Variants in SIK3 observed in about 807,000 individuals in gnomAD.
SIK3 encodes serine/threonine-protein kinase SIK3.
Under a neutral mutation model 144.2 loss-of-function variants are expected in SIK3, and 28 were observed. The ratio of observed to expected loss-of-function variants is 0.19; its 90% CI spans 0.14 to 0.27. The LOEUF (loss-of-function observed/expected upper bound fraction) is 0.27, where lower values mean the gene tolerates loss of function less well. Ranked by LOEUF, SIK3 falls within the 10% of genes least tolerant of loss-of-function variation. The pLI is 1.00. For missense variants in SIK3, 1,319 were observed against 1,776.0 expected (o/e 0.74, Z 4.62); for synonymous variants, 686 against 676.3 (o/e 1.01, Z -0.22).
At chr11:117,008,163 A>AT (rs1951123999) in intron 1 of SIK3, among the ~76,000 whole-genome samples, 2 of 151,902 alleles carry the variant, frequency 1.3e-5, no homozygotes, top group Admixed American at 1.3e-4. Flanking sequence ...AAAATTAACC[A>AT]TAAAATTTGG....
chr11:117,072,241 A>G (rs958061988), intron 1 of SIK3, among the ~76,000 whole-genome samples: 32 of 152,114 alleles, frequency 2.1e-4, no homozygotes, highest in African/African-American at 7.5e-4. Flanking sequence ...TACAAAAATT[A>G]GCCAGGCCTG....
chr11:116,903,755 A>T (rs1219177766), intron 4 of SIK3, among the ~76,000 whole-genome samples: 1 of 151,998 alleles, frequency 6.6e-6, no homozygotes, highest in Non-Finnish European at 1.5e-5. Context: ...CTATTTAAAA[A>T]AAATTTTTTT....
intron 1 of SIK3, among the ~76,000 whole-genome samples, chr11:116,974,520 G>C (rs1383341131): frequency 6.6e-6 from 1 of 152,000 alleles, no homozygotes. Context: ...CCTCCCCAGC[G>C]ACTGGGCCTA....
At chr11:117,065,034 A>G (rs1223547358) in intron 1 of SIK3, among the ~76,000 whole-genome samples, 1 of 152,078 alleles carries the variant, frequency 6.6e-6, no homozygotes, top group East Asian at 1.9e-4. Flanking sequence ...CTGTAGTCCC[A>G]GCTACTCGGG....
At chr11:117,041,807 A>G (rs1952752964) in intron 1 of SIK3, among the ~76,000 whole-genome samples, 2 of 152,324 alleles carry the variant, frequency 1.3e-5, no homozygotes, top group Non-Finnish European at 2.9e-5. Context: ...TACAATTTGA[A>G]TTACTTCTGA....
intron 6 of SIK3, among the ~76,000 whole-genome samples, chr11:116,887,143 G>A (rs967221237): frequency 6.6e-6 from 1 of 150,866 alleles, no homozygotes; most frequent in Non-Finnish European, 1.5e-5. Flanking sequence ...GATGGCTCAC[G>A]CCTATGATCC....
chr11:116,928,564 T>C (rs952606898), intron 3 of SIK3, among the ~76,000 whole-genome samples: 14 of 152,180 alleles, frequency 9.2e-5, no homozygotes, highest in African/African-American at 3.4e-4. Context: ...GGTGTATCTT[T>C]CCTTCACCAC....
chr11:116,871,845 A>G (rs1943987802), intron 13 of SIK3, among the ~76,000 whole-genome samples: 2 of 152,204 alleles, frequency 1.3e-5, no homozygotes, highest in South Asian at 4.1e-4. Flanking sequence ...CAGGTTTTAC[A>G]GAGTCATGGT....
intron 4 of SIK3, among the ~76,000 whole-genome samples, chr11:116,910,163 A>C (rs1946261098): frequency 1.3e-5 from 2 of 152,176 alleles, no homozygotes; most frequent in South Asian, 4.1e-4. Context: ...GCTAGTATAC[A>C]CTACATATAA....
At chr11:117,080,262 T>C (rs1954727538) in intron 1 of SIK3, among the ~76,000 whole-genome samples, 1 of 152,130 alleles carries the variant, frequency 6.6e-6, no homozygotes, top group Non-Finnish European at 1.5e-5. Context: ...AACAGAAAAA[T>C]CACTGTCATA....
At chr11:116,930,849 C>G (rs1342607455) in intron 3 of SIK3, among the ~76,000 whole-genome samples, 1 of 141,410 alleles carries the variant, frequency 7.1e-6, no homozygotes, top group Non-Finnish European at 1.5e-5. Flanking sequence ...AAGCTTTTTT[C>G]ACCATCAATC....
chr11:116,870,969 C>T (rs1943939959), intron 13 of SIK3, among the ~76,000 whole-genome samples: 1 of 152,132 alleles, frequency 6.6e-6, no homozygotes, highest in African/African-American at 2.4e-5. Context: ...TAGGACTTGA[C>T]CTGTTGTTTC....
intron 13 of SIK3, among the ~76,000 whole-genome samples, chr11:116,871,381 G>A (rs1003884055): frequency 6.6e-6 from 1 of 152,262 alleles, no homozygotes; most frequent in Non-Finnish European, 1.5e-5. Flanking sequence ...CAAGGGTGGA[G>A]TGAACAGGGT....
chr11:117,039,280 A>G (rs1025358408), intron 1 of SIK3, among the ~76,000 whole-genome samples: 9 of 152,228 alleles, frequency 5.9e-5, no homozygotes, highest in African/African-American at 2.2e-4. Flanking sequence ...ATGAAAAAAT[A>G]TATTTTTTTA....
intron 4 of SIK3, among the ~76,000 whole-genome samples, chr11:116,921,597 G>C (rs771856918): frequency 1.3e-5 from 2 of 151,712 alleles, no homozygotes; most frequent in Non-Finnish European, 2.9e-5. Flanking sequence ...TCAAAATCCT[G>C]GCCTCAAGTG....
At position 116,849,393 on chromosome 11, in the gene SIK3, A is replaced by C; in HGVS notation, c.3656-110T>G. 7 of 1,283,562 alleles carry C rather than the reference A, an allele frequency of 5.5e-6. No homozygotes were observed. Among genetic ancestry groups the C allele is most frequent in the Non-Finnish European group, 6.5e-6 (6 of 919,094 alleles). The allele number at this position is 1,283,562 out of a possible 1,614,324, so 79.5% of individuals were successfully genotyped here. ...GACAATGGGCAAGGCTGAGGAGATCATGTACACCAACCGCTGATCCTCAGC... is the reference window on the plus strand; with the variant it reads ...GACAATGGGCAAGGCTGAGGAGATCCTGTACACCAACCGCTGATCCTCAGC... On this transcript the variant is annotated intron_variant, in intron 21 of 24. Coordinates refer to ENST00000445177, the MANE Select transcript of SIK3 (RefSeq NM_001366686.3). This position sits in a 1 kb window ranked among gnomAD's most constrained non-coding sequence, Gnocchi z 4.2.
intron 1 of SIK3, 108 bp from the exon 2 acceptor site, chr11:116,957,172 G>A (rs1949169542): frequency 1.2e-5 from 7 of 561,754 alleles, no homozygotes; most frequent in East Asian, 2.9e-5. Context: ...TAAGCTGCCA[G>A]TATTCTGTTT....
chr11:116,959,265 T>A (rs1416898402), intron 1 of SIK3, among the ~76,000 whole-genome samples: 4 of 151,858 alleles, frequency 2.6e-5, no homozygotes, highest in African/African-American at 9.7e-5. Flanking sequence ...TCCCGGGAGC[T>A]GAAGTTGCAG....
rs370015211 is a variant in SIK3 at position 116,859,249 on chromosome 11, C to A, written c.2765+16G>T. The A allele has an allele frequency of 6.3e-7, 1 of 1,586,352 alleles. No homozygotes were observed. Among genetic ancestry groups the A allele is most frequent in the Non-Finnish European group, 8.6e-7 (1 of 1,162,144 alleles). On this transcript the variant is annotated intron_variant, in intron 20 of 24. Coordinates refer to ENST00000445177, the MANE Select transcript of SIK3 (RefSeq NM_001366686.3). ...ATCCCATGCATAGATGGCTGGGTGA[C>A]GTTAGGCGGTCTTACCTGTGAGCCT... is the stretch of plus-strand genomic sequence containing the variant.
Sources: allele counts gnomAD v4.1 joint callset (sites outside exome capture counted in the v4.1 genomes callset), GRCh38; gene constraint gnomAD v4.1.1; non-coding constraint Gnocchi (gnomAD v3.1); transcripts MANE v1.5; gene names NCBI Gene and HGNC (gene_info 2026-07-23, HGNC 2026-07-21).